MCPH1: variants seen among roughly 807,000 people sequenced by gnomAD.
MCPH1 encodes microcephalin.
In MCPH1, 104 loss-of-function variants were observed where a neutral mutation model predicts 84.5. The ratio of observed to expected loss-of-function variants is 1.23; its 90% CI spans 1.05 to 1.45. The LOEUF (loss-of-function observed/expected upper bound fraction) is 1.45. Among genes scored for constraint, MCPH1 ranks in the 40% most tolerant of loss-of-function variants. MCPH1 has a pLI of 0.00. For missense variants in MCPH1, 1,498 were observed against 1,005.7 expected, an observed-to-expected ratio of 1.49 and a Z score of -6.62; for synonymous variants, 514 against 366.8, an observed-to-expected ratio of 1.40 and a Z score of -4.58.
At chr8:6,489,170 A>G (rs957160284) in intron 11 of MCPH1, among the ~76,000 whole-genome samples, 1 of 152,180 alleles carries the variant, frequency 6.6e-6, no homozygotes, top group Non-Finnish European at 1.5e-5. Context: ...ATATCAGATT[A>G]TATATATGTA....
chr8:6,598,360 G>A (rs1451518304), intron 12 of MCPH1, among the ~76,000 whole-genome samples: 2 of 152,180 alleles, frequency 1.3e-5, no homozygotes, highest in African/African-American at 4.8e-5. Flanking sequence ...TGGAAAGTAG[G>A]AGGCAAAGCA....
chr8:6,626,812 C>A (rs1023233729), intron 13 of MCPH1: 45 of 985,188 alleles, frequency 4.6e-5, no homozygotes, highest in Non-Finnish European at 5.2e-5. Context: ...CTGTGGTCAG[C>A]TCTGTGCACT....
At chr8:6,469,106 G>A (rs1027915704) in intron 9 of MCPH1, among the ~76,000 whole-genome samples, 10 of 152,252 alleles carry the variant, frequency 6.6e-5, no homozygotes, top group Admixed American at 3.9e-4. Context: ...CTTGAGACCA[G>A]GAATTCGAGG....
At chr8:6,510,642 G>T (rs1402110787) in intron 12 of MCPH1, among the ~76,000 whole-genome samples, 1 of 152,156 alleles carries the variant, frequency 6.6e-6, no homozygotes, top group Admixed American at 6.5e-5. Context: ...ACTTGTCCGA[G>T]GTCAGACTCT....
At chr8:6,487,547 T>G (rs911438767) in intron 11 of MCPH1, among the ~76,000 whole-genome samples, 2 of 152,220 alleles carry the variant, frequency 1.3e-5, no homozygotes, top group Non-Finnish European at 2.9e-5. Context: ...AAAACCATTC[T>G]CTTTTTAACT....
intron 3 of MCPH1, among the ~76,000 whole-genome samples, chr8:6,419,559 A>ATT (rs34375855): frequency 2.9e-5 from 4 of 138,144 alleles, no homozygotes; most frequent in East Asian, 2.1e-4. Flanking sequence ...CACCTGGCTA[A>ATT]TTTTTTTTTT....
In MCPH1 at chr8:6,518,965, C is replaced by T. The variant is rs1816810890; in HGVS notation, c.2214+19036C>T. ...TGTCTCCCAAAGCACCTTCAGGAGT[C>T]AGGCTCTCTGAGTGAGGCTGCAGAA... On this transcript the variant is annotated intron_variant, in intron 12 of 13. Transcript: ENST00000344683. 1.3e-5 allele frequency among the ~76,000 whole-genome samples: 2 copies of T among 151,972 alleles called. 1 individual carries two copies. The highest frequency in any genetic ancestry group is 4.2e-4 in the South Asian group (2 of 4,816).
chr8:6,480,660 T>C lies in MCPH1; in HGVS notation c.1974-54T>C, dbSNP rs1809093701. On this transcript the variant is annotated intron_variant, in intron 10 of 13. Coordinates refer to ENST00000344683, the MANE Select transcript of MCPH1 (RefSeq NM_024596.5). ...CTAATATTGAGTGTAACTGCTTTGA[T>C]GGGCATGTGCAACAAAGTCATTCAT... is the stretch of plus-strand genomic sequence containing the variant. 8.1e-6 allele frequency: 13 copies of C among 1,603,746 alleles called. No homozygotes were observed. In the East Asian group the frequency reaches 2.9e-4, roughly 36 times the overall value.
At chr8:6,506,976 CAA>C (rs1813859317) in intron 12 of MCPH1, among the ~76,000 whole-genome samples, 1 of 151,950 alleles carries the variant, frequency 6.6e-6, no homozygotes, top group African/African-American at 2.4e-5. Flanking sequence ...CGGCTCATTG[CAA>C]ACTCTGTCTC....
chr8:6,446,458 T>C, intron 8 of MCPH1: 1 of 985,326 alleles, frequency 1.0e-6, no homozygotes, highest in Non-Finnish European at 1.2e-6. Context: ...TCCTTGAGTA[T>C]ACGCTCCCCA....
chr8:6,580,483 C>T (rs373654013), intron 12 of MCPH1, among the ~76,000 whole-genome samples: 1 of 152,030 alleles, frequency 6.6e-6, no homozygotes, highest in East Asian at 1.9e-4. Context: ...AGTGAAACCC[C>T]GTCTCTACTA....
chr8:6,419,454 G>T (rs571876887), intron 3 of MCPH1, among the ~76,000 whole-genome samples: 1 of 151,440 alleles, frequency 6.6e-6, no homozygotes, highest in African/African-American at 2.4e-5. Flanking sequence ...GTGCAGTGGC[G>T]CAATCTCGGC....
chr8:6,505,663 G>A (rs1278560838), intron 12 of MCPH1, among the ~76,000 whole-genome samples: 1 of 123,216 alleles, frequency 8.1e-6, no homozygotes, highest in African/African-American at 3.0e-5. Flanking sequence ...TTTATATATA[G>A]AATATATATA....
chr8:6,633,141 T>C (rs1797289821), intron 13 of MCPH1, among the ~76,000 whole-genome samples: 1 of 152,132 alleles, frequency 6.6e-6, no homozygotes, highest in Admixed American at 6.5e-5. Context: ...AAGGCTTAAA[T>C]CATGTACAAG....
intron 11 of MCPH1, among the ~76,000 whole-genome samples, chr8:6,496,910 T>C (rs1258145293): frequency 1.3e-5 from 2 of 152,158 alleles, no homozygotes; most frequent in Admixed American, 6.5e-5. Context: ...TCATCACTTA[T>C]ACATTGAAAT....
chr8:6,622,974 G>A (rs1411352586), intron 13 of MCPH1, among the ~76,000 whole-genome samples: 1 of 151,448 alleles, frequency 6.6e-6, no homozygotes, highest in Non-Finnish European at 1.5e-5. Flanking sequence ...CCAAGTAGCT[G>A]GAACTACAGG....
At chr8:6,575,968 A>G (rs563332444) in intron 12 of MCPH1, among the ~76,000 whole-genome samples, 2 of 151,536 alleles carry the variant, frequency 1.3e-5, no homozygotes, top group South Asian at 2.1e-4. Context: ...TCTGCTCTCC[A>G]GAACTGCGAG....
chr8:6,522,633 G>A (rs1482755074), intron 12 of MCPH1, among the ~76,000 whole-genome samples: 1 of 151,796 alleles, frequency 6.6e-6, no homozygotes, highest in African/African-American at 2.4e-5. Context: ...AATTAGCCAA[G>A]CGTGGGGGTA....
intron 2 of MCPH1, among the ~76,000 whole-genome samples, chr8:6,414,512 C>A (rs1487321498): frequency 2.0e-5 from 3 of 152,106 alleles, no homozygotes; most frequent in Non-Finnish European, 4.4e-5. Context: ...CCTCTTTATC[C>A]TTGCAGGGCT....
Sources: gnomAD v4.1 joint callset for allele counts (sites outside exome capture counted in the v4.1 genomes callset) on GRCh38, gnomAD v4.1.1 for gene constraint, MANE v1.5 for transcripts, NCBI Gene and HGNC (gene_info 2026-07-23, HGNC 2026-07-21) for gene names.